The following VPS37B variants were observed in gnomAD, a reference collection of about 807,000 sequenced individuals.
VPS37B encodes the protein vacuolar protein sorting-associated protein 37B.
A neutral mutation model predicts 21.2 loss-of-function variants in VPS37B; 11 were observed. The ratio of observed to expected loss-of-function variants is 0.52; its 90% confidence interval spans 0.33 to 0.86. The LOEUF (loss-of-function observed/expected upper bound fraction) is 0.86, where lower values mean the gene tolerates loss of function less well. Among genes scored for constraint, VPS37B ranks in the 40% least tolerant of loss-of-function variants. The probability of loss-of-function intolerance (pLI) is 0.03; values close to 1 mark genes in which losing one functional copy is unlikely to be tolerated. For missense variants in VPS37B, 389 were observed against 374.8 expected (o/e 1.04, Z -0.31); for synonymous variants, 175 against 159.6 (o/e 1.10, Z -0.73).
rs1033599042 is a variant in VPS37B at position 122,867,924 on chromosome 12, C to T, written c.367-317G>A. Among the ~76,000 whole-genome samples the T allele has an allele frequency of 3.3e-5, 5 of 150,506 alleles. No homozygotes were observed. The highest frequency in any genetic ancestry group is 1.0e-4 in the African/African-American group (4 of 39,786). ...CTCTCGAGCCCGCTGGAGTCCAACA[C>T]CTCCTTGCTTCCACCCGGCTGCACC... On this transcript the variant is annotated intron_variant, in intron 3 of 3. Transcript: ENST00000267202. The surrounding 1 kb of genome is among the most constrained non-coding windows in gnomAD (Gnocchi z 5.5).
chr12:122,883,251 G>A (rs967968609), intron 1 of VPS37B: 18 of 152,126 alleles, frequency 1.2e-4, no homozygotes, highest in African/African-American at 3.6e-4. Flanking sequence ...TGCTTCCCTC[G>A]AAAAGGAACA....
At chr12:122,872,117 C>G (rs1027367725) in intron 1 of VPS37B, 8 of 985,496 alleles carry the variant, frequency 8.1e-6, no homozygotes, top group Non-Finnish European at 9.6e-6. Context: ...CTTAGTAGCT[C>G]GAGTATAGAT....
At chr12:122,871,328 C>A (rs2034029701) in intron 1 of VPS37B, 8 of 1,182,960 alleles carry the variant, frequency 6.8e-6, no homozygotes, top group Non-Finnish European at 8.4e-6. Flanking sequence ...CATGCAGAGC[C>A]TTCCCTGCCA....
intron 1 of VPS37B, chr12:122,872,759 C>CA: frequency 1.1e-6 from 1 of 922,844 alleles, no homozygotes; most frequent in South Asian, 5.0e-5. Flanking sequence ...CCCTATGACC[C>CA]AGAAGTTGTA....
chr12:122,871,971 C>T, intron 1 of VPS37B: 1 of 985,476 alleles, frequency 1.0e-6, no homozygotes, highest in East Asian at 1.1e-4. Flanking sequence ...GTTTCAACAG[C>T]ATGCGATTCC....
intron 1 of VPS37B, chr12:122,874,179 A>G (rs751827002): frequency 1.3e-5 from 2 of 152,254 alleles, no homozygotes; most frequent in Non-Finnish European, 2.9e-5. Flanking sequence ...CAACCACTTG[A>G]AAGACAGCGC....
chr12:122,889,376 GGTCCT>G (rs2135712172), intron 1 of VPS37B: 1 of 152,940 alleles, frequency 6.5e-6, no homozygotes, highest in South Asian at 2.0e-4. Context: ...CCGCCAACCT[GGTCCT>G]GCCACGCCAA....
chr12:122,872,338 T>G, intron 1 of VPS37B: 1 of 985,456 alleles, frequency 1.0e-6, no homozygotes, highest in Non-Finnish European at 1.2e-6. Context: ...GACAGTGATC[T>G]GCATCTCCAG....
chr12:122,875,435 G>A (rs2034130868), intron 1 of VPS37B: 1 of 151,920 alleles, frequency 6.6e-6, no homozygotes, highest in African/African-American at 2.4e-5. Flanking sequence ...CAGGATAATG[G>A]CAGTAGGGAC....
Position 122,867,196 on chromosome 12 carries a change from C to T in VPS37B, c.778G>A (p.Val260Met). ...PTQQGFSSQF[V>M]SPYPPPLPQR... is the part of the protein sequence containing the mutation. ...GGGAGAGGTGGCGGATATGGGGACA[C>T]GAACTGCGAAGAGAATCCTTGCTGA... Residue 260 changes from valine (V) to methionine (M), a missense_variant, in exon 4 of 4, where the codon GTG (valine) becomes ATG (methionine). By Grantham distance (21) the Val-to-Met change is conservative. Transcript: ENST00000267202. This position sits in a 1 kb window ranked among gnomAD's most constrained non-coding sequence, Gnocchi z 5.5. 3 of 1,570,450 alleles carry T rather than the reference C, an allele frequency of 1.9e-6. No homozygotes were observed. The highest frequency in any genetic ancestry group is 2.2e-5 in the East Asian group (1 of 44,800).
chr12:122,886,483 G>C (rs529274482), intron 1 of VPS37B: 1 of 152,148 alleles, frequency 6.6e-6, no homozygotes, highest in South Asian at 2.1e-4. Flanking sequence ...TCAGCCAGGC[G>C]TAGTGGCAAG....
At chr12:122,869,524 A>G (rs2033980695) in intron 2 of VPS37B, among the ~76,000 whole-genome samples, 1 of 152,256 alleles carries the variant, frequency 6.6e-6, no homozygotes, top group African/African-American at 2.4e-5. Context: ...GTATGATCGT[A>G]AATTTTTACT....
chr12:122,868,554 ACTGT>A lies in VPS37B; in HGVS notation c.288_291del (p.Arg96SerfsTer11). On this transcript the variant is annotated frameshift_variant, in exon 3 of 4. Transcript: ENST00000267202. LOFTEE classifies it high-confidence loss of function. This position sits in a 1 kb window ranked among gnomAD's most constrained non-coding sequence, Gnocchi z 5.5. ...AGGGTCTCCAAGGAAGCACTGCTAG[ACTGT>A]CTGTCTGGAAAAAAAGCAAGAGGTA... The A allele has an allele frequency of 8.7e-6, 14 of 1,613,534 alleles. No homozygotes were observed. Among genetic ancestry groups the A allele is most frequent in the Middle Eastern group, 1.7e-4 (1 of 6,058 alleles).
At chr12:122,872,512 CA>C (rs35314369) in intron 1 of VPS37B, 1 of 985,302 alleles carries the variant, frequency 1.0e-6, no homozygotes, top group Non-Finnish European at 1.2e-6. Context: ...ATGCCTTTAG[CA>C]AAAAAGGAGA....
At chr12:122,894,659 G>A (rs1017739770) in intron 1 of VPS37B, among the ~76,000 whole-genome samples, 1 of 152,210 alleles carries the variant, frequency 6.6e-6, no homozygotes, top group African/African-American at 2.4e-5. Flanking sequence ...CCTGCCTGGA[G>A]GAGAACCAGA....
At chr12:122,869,675 T>C (rs773487602) in intron 2 of VPS37B, among the ~76,000 whole-genome samples, 1 of 152,174 alleles carries the variant, frequency 6.6e-6, no homozygotes, top group Non-Finnish European at 1.5e-5. Context: ...AGTAATGCAA[T>C]CACAGTTCAC....
chr12:122,867,520 G>A lies in VPS37B; in HGVS notation c.454C>T (p.Arg152Ter), dbSNP rs765995899. ...TGGAGCTTCTCGATTTTCACCCGTC[G>A]CATGTGGGCCAGTTTCCGTTTGCTC... ...YQSKRKLAHM[R>*]RVKIEKLQEM... is the part of the protein sequence containing the mutation. Residue 152 changes from arginine to a stop codon, truncating the protein, a stop_gained, in exon 4 of 4, where the codon CGA becomes TGA. Transcript: ENST00000267202. LOFTEE classifies it low-confidence loss of function (END_TRUNC). This position sits in a 1 kb window ranked among gnomAD's most constrained non-coding sequence, Gnocchi z 5.5. 7.4e-6 allele frequency: 12 copies of A among 1,614,028 alleles called. No individual in the cohort carries two copies. The highest frequency in any genetic ancestry group is 1.1e-5 in the South Asian group (1 of 91,086).
rs1275853881 is a variant in VPS37B, at chr12:122,865,983, C to T, written c.*1133G>A. On this transcript the variant is annotated 3_prime_UTR_variant, in exon 4 of 4. Transcript: ENST00000267202. ...GGGCGGGCTTTCGCCAAACCCCTAACGTTGCCCACCCTGAGGCCCAGCCAC... is the reference window on the plus strand; with the variant it reads ...GGGCGGGCTTTCGCCAAACCCCTAATGTTGCCCACCCTGAGGCCCAGCCAC... 2.0e-5 allele frequency: 3 copies of T among 152,638 alleles called. No individual in the cohort carries two copies. Among genetic ancestry groups the T allele is most frequent in the Admixed American group, 6.5e-5 (1 of 15,294 alleles). The allele number at this position is 152,638 out of a possible 1,614,324, so 9.5% of individuals were successfully genotyped here. A position where few individuals can be genotyped will look rare whatever the true frequency, so the allele number is the denominator to read the frequency against.
chr12:122,872,350 C>G (rs11615202), intron 1 of VPS37B: 15,797 of 985,444 alleles, frequency 0.016, 147 homozygotes, highest in Non-Finnish European at 0.018. Flanking sequence ...CATCTCCAGA[C>G]AACAGCTGCA....
Sources: gnomAD v4.1 joint callset for allele counts (sites outside exome capture counted in the v4.1 genomes callset) on GRCh38, gnomAD v4.1.1 for gene constraint, Gnocchi (gnomAD v3.1) non-coding constraint, MANE v1.5 for transcripts, NCBI Gene and HGNC (gene_info 2026-07-23, HGNC 2026-07-21) for gene names.